SGCD: variants seen among roughly 807,000 people sequenced by gnomAD.
SGCD encodes delta-sarcoglycan.
In SGCD, 18 loss-of-function variants were observed where a neutral mutation model predicts 36.6. That is an observed-to-expected ratio of 0.49 (90% CI 0.34 to 0.73). The LOEUF (loss-of-function observed/expected upper bound fraction) is 0.73, where lower values mean the gene tolerates loss of function less well. Among genes scored for constraint, SGCD ranks in the 30% least tolerant of loss-of-function variants. The pLI, the probability that SGCD is intolerant of heterozygous loss-of-function variation, is 0.01. For missense variants in SGCD, 387 were observed against 346.7 expected (o/e 1.12, Z -0.92); for synonymous variants, 133 against 130.6 (o/e 1.02, Z -0.12).
intron 7 of SGCD, among the ~76,000 whole-genome samples, chr5:156,729,748 A>C (rs1288621339): frequency 6.6e-6 from 1 of 152,198 alleles, no homozygotes; most frequent in African/African-American, 2.4e-5. Flanking sequence ...TACCAGCCAT[A>C]GGCAGAACTA....
At chr5:156,132,064 A>G (rs951428162) in intron 3 of SGCD, among the ~76,000 whole-genome samples, 5 of 152,246 alleles carry the variant, frequency 3.3e-5, no homozygotes, top group African/African-American at 1.2e-4. Flanking sequence ...CCAAGTTGCT[A>G]TATAAGTAGA....
chr5:156,601,828 C>T (rs563006820), intron 6 of SGCD, among the ~76,000 whole-genome samples: 10 of 152,032 alleles, frequency 6.6e-5, no homozygotes, highest in South Asian at 2.1e-4. Context: ...GGCCTACAGG[C>T]GCCTGCCACC....
intron 1 of SGCD, among the ~76,000 whole-genome samples, chr5:155,949,326 TAATC>T (rs1757505501): frequency 6.6e-6 from 1 of 152,196 alleles, no homozygotes; most frequent in Non-Finnish European, 1.5e-5. Flanking sequence ...ATGACCTTCA[TAATC>T]AATCATAAGA....
chr5:156,100,852 C>T (rs942429967), intron 1 of SGCD, among the ~76,000 whole-genome samples: 4 of 152,176 alleles, frequency 2.6e-5, no homozygotes, highest in African/African-American at 9.7e-5. Flanking sequence ...GATCTACCTA[C>T]CGTACCTTGA....
rs11285772 is a variant in SGCD, at chr5:156,498,230, C to CT, written c.193-10363dup. On this transcript the variant is annotated intron_variant, in intron 3 of 8. Coordinates refer to ENST00000337851, the MANE Select transcript of SGCD (RefSeq NM_000337.6). ...ATAGCATGTCTCTTGAATTGGATTGCTTTTTTTTCTGTGAACGTCATATTT... is the reference window on the plus strand; with the variant it reads ...ATAGCATGTCTCTTGAATTGGATTGCTTTTTTTTTCTGTGAACGTCATATTT... Among the ~76,000 whole-genome samples, 423 of 140,608 alleles carry CT rather than the reference C, an allele frequency of 3.0e-3. 1 individual carries two copies. Among genetic ancestry groups the CT allele is most frequent in the African/African-American group, 0.011 (405 of 37,904 alleles). The allele number at this position is 140,608 out of a possible 152,430, so 92.2% of individuals were successfully genotyped here. A position where few individuals can be genotyped will look rare whatever the true frequency, so the allele number is the denominator to read the frequency against.
intron 3 of SGCD, among the ~76,000 whole-genome samples, chr5:156,437,456 A>G (rs1374075121): frequency 1.3e-5 from 2 of 152,180 alleles, no homozygotes; most frequent in African/African-American, 4.8e-5. Context: ...TTTTGAAATC[A>G]CGCCCTGAGC....
At chr5:156,106,200 TC>T (rs1322379042) in intron 1 of SGCD, among the ~76,000 whole-genome samples, 1 of 148,940 alleles carries the variant, frequency 6.7e-6, no homozygotes, top group Non-Finnish European at 1.5e-5. Flanking sequence ...CTGAAGATGA[TC>T]TGCTTATGTG....
chr5:155,771,827 T>C, the SGCD span, among the ~76,000 whole-genome samples: 1 of 152,150 alleles, frequency 6.6e-6, no homozygotes, highest in African/African-American at 2.4e-5. Context: ...ACTGGGATTA[T>C]GGCCATGAGC....
chr5:156,072,899 AC>A (rs1760629389), intron 1 of SGCD, among the ~76,000 whole-genome samples: 1 of 151,720 alleles, frequency 6.6e-6, no homozygotes, highest in Non-Finnish European at 1.5e-5. Context: ...CATCACTGAC[AC>A]CCTTTGTTCC....
intron 1 of SGCD, among the ~76,000 whole-genome samples, chr5:156,006,881 G>A (rs1184972297): frequency 6.6e-6 from 1 of 151,992 alleles, no homozygotes; most frequent in African/African-American, 2.4e-5. Context: ...CCCTTTTTTG[G>A]ATTCTTGGCT....
intron 1 of SGCD, among the ~76,000 whole-genome samples, chr5:155,896,665 A>T (rs1756269132): frequency 6.6e-6 from 1 of 151,954 alleles, no homozygotes. Context: ...AAAGACAATA[A>T]TAACAATTTT....
chr5:156,583,667 G>A (rs1760374938), intron 4 of SGCD, among the ~76,000 whole-genome samples: 2 of 152,140 alleles, frequency 1.3e-5, no homozygotes, highest in Non-Finnish European at 2.9e-5. Context: ...GAGTATGAAG[G>A]CAAAATGGGT....
At chr5:155,990,449 T>C (rs1165843682) in intron 1 of SGCD, among the ~76,000 whole-genome samples, 1 of 152,190 alleles carries the variant, frequency 6.6e-6, no homozygotes, top group Non-Finnish European at 1.5e-5. Context: ...AGCACATGCA[T>C]GATCTTATAT....
chr5:156,699,525 T>A (rs937869131), intron 7 of SGCD, among the ~76,000 whole-genome samples: 2 of 151,980 alleles, frequency 1.3e-5, no homozygotes, highest in African/African-American at 4.8e-5. Flanking sequence ...CCAGTCAAGG[T>A]GATAATTGGA....
At chr5:156,206,051 T>A (rs1330357073) in intron 3 of SGCD, among the ~76,000 whole-genome samples, 1 of 149,596 alleles carries the variant, frequency 6.7e-6, no homozygotes, top group African/African-American at 2.4e-5. Flanking sequence ...AATATGTGCA[T>A]CTATGTCCAT....
intron 3 of SGCD, among the ~76,000 whole-genome samples, chr5:156,477,007 A>G (rs1755208580): frequency 6.7e-6 from 1 of 149,606 alleles, no homozygotes; most frequent in Non-Finnish European, 1.5e-5. Flanking sequence ...AGCAACAGCA[A>G]TTTTAGACAG....
chr5:156,208,063 A>G (rs1764336887), intron 3 of SGCD, among the ~76,000 whole-genome samples: 1 of 152,220 alleles, frequency 6.6e-6, no homozygotes, highest in Non-Finnish European at 1.5e-5. Context: ...ATATAAATCA[A>G]TGAGAAGAAT....
At chr5:155,820,920 A>G in the SGCD span, among the ~76,000 whole-genome samples, 5 of 152,136 alleles carry the variant, frequency 3.3e-5, no homozygotes, top group South Asian at 1.0e-3. Context: ...TCTGTACTTC[A>G]TAGACCACAG....
chr5:156,553,854 T>C (rs981482677), intron 4 of SGCD, among the ~76,000 whole-genome samples: 3 of 152,242 alleles, frequency 2.0e-5, no homozygotes, highest in African/African-American at 7.2e-5. Flanking sequence ...TATCCATTCA[T>C]CAGTTGATGG....
Sources: gnomAD v4.1 joint callset for allele counts (sites outside exome capture counted in the v4.1 genomes callset) on GRCh38, gnomAD v4.1.1 for gene constraint, MANE v1.5 for transcripts, NCBI Gene and HGNC (gene_info 2026-07-23, HGNC 2026-07-21) for gene names.